The following PTPRD variants were observed in gnomAD, a reference collection of about 807,000 sequenced individuals.
PTPRD encodes the protein receptor-type tyrosine-protein phosphatase delta.
In PTPRD, 34 loss-of-function variants were observed where a neutral mutation model predicts 214.5. The ratio of observed to expected loss-of-function variants is 0.16; its 90% CI spans 0.12 to 0.21. PTPRD has a LOEUF of 0.21. PTPRD is among the 10% of genes least tolerant of loss of function. The pLI is 1.00. For missense variants in PTPRD, 2,545 were observed against 2,398.7 expected, an observed-to-expected ratio of 1.06 and a Z score of -1.27; for synonymous variants, 1,128 against 845.7, an observed-to-expected ratio of 1.33 and a Z score of -5.79.
intron 11 of PTPRD, among the ~76,000 whole-genome samples, chr9:8,760,592 CTCTG>C (rs1258926958): frequency 5.8e-4 from 86 of 148,604 alleles, no homozygotes; most frequent in Admixed American, 1.4e-3. Flanking sequence ...TGCTCCCTCT[CTCTG>C]TCTGTGTGTG....
chr9:8,370,557 T>C (rs1185114352), intron 39 of PTPRD, among the ~76,000 whole-genome samples: 1 of 152,160 alleles, frequency 6.6e-6, no homozygotes, highest in African/African-American at 2.4e-5. Flanking sequence ...ATTGTGATTA[T>C]TTATGTTCCA....
intron 4 of PTPRD, among the ~76,000 whole-genome samples, chr9:9,947,146 T>C (rs73402690): frequency 4.1e-5 from 6 of 148,086 alleles, no homozygotes; most frequent in African/African-American, 1.3e-4. Context: ...TATTCCTATA[T>C]GTACAAGAGG....
intron 5 of PTPRD, chr9:9,803,581 G>C (rs1414563766): frequency 1.3e-5 from 2 of 151,866 alleles, no homozygotes; most frequent in Non-Finnish European, 2.9e-5. Context: ...GTTTTAATAA[G>C]GCATCTGACA....
At chr9:9,618,086 A>AAAAAAAAAAAAAAAAAAAG (rs2095006670) in intron 7 of PTPRD, among the ~76,000 whole-genome samples, 1 of 147,278 alleles carries the variant, frequency 6.8e-6, no homozygotes, top group Non-Finnish European at 1.5e-5. Context: ...AAAAAAAAAA[A>AAAAAAAAAAAAAAAAAAAG]AAAAAAAAAA....
chr9:10,078,583 T>G (rs973436948), intron 3 of PTPRD, among the ~76,000 whole-genome samples: 1 of 151,020 alleles, frequency 6.6e-6, no homozygotes, highest in Non-Finnish European at 1.5e-5. Context: ...CTACTCATTG[T>G]TGGCATCATT....
At chr9:8,933,637 A>G (rs1213600253) in intron 11 of PTPRD, among the ~76,000 whole-genome samples, 1 of 152,056 alleles carries the variant, frequency 6.6e-6, no homozygotes, top group African/African-American at 2.4e-5. Flanking sequence ...ACTATAAAGT[A>G]TTTTAATGCT....
At chr9:9,912,609 A>C (rs746365941) in intron 5 of PTPRD, among the ~76,000 whole-genome samples, 1 of 152,208 alleles carries the variant, frequency 6.6e-6, no homozygotes, top group Non-Finnish European at 1.5e-5. Context: ...GTTGGCAATC[A>C]GTGCTGAAGC....
chr9:9,018,245 T>A (rs1350120611), intron 11 of PTPRD, among the ~76,000 whole-genome samples: 1 of 152,154 alleles, frequency 6.6e-6, no homozygotes, highest in Non-Finnish European at 1.5e-5. Flanking sequence ...AGAATCATGG[T>A]TCCACACGAG....
intron 2 of PTPRD, among the ~76,000 whole-genome samples, chr9:10,355,564 C>T (rs1010716427): frequency 1.3e-4 from 20 of 151,682 alleles, no homozygotes; most frequent in Non-Finnish European, 2.9e-4. Flanking sequence ...ATGCAACCTC[C>T]GCCTCCTGGG....
At chr9:9,800,790 G>T (rs941667435) in intron 5 of PTPRD, 20 of 152,088 alleles carry the variant, frequency 1.3e-4, no homozygotes, top group Admixed American at 7.9e-4. Context: ...GTCAATAAAG[G>T]AGCTCATCCA....
At chr9:8,821,209 T>G (rs1241404089) in intron 11 of PTPRD, among the ~76,000 whole-genome samples, 1 of 152,214 alleles carries the variant, frequency 6.6e-6, no homozygotes, top group African/African-American at 2.4e-5. Context: ...AGAAAATTCT[T>G]AGATGATCAC....
chr9:9,930,323 G>C (rs1355202634), intron 5 of PTPRD, among the ~76,000 whole-genome samples: 1 of 152,164 alleles, frequency 6.6e-6, no homozygotes, highest in Non-Finnish European at 1.5e-5. Flanking sequence ...AACACACACA[G>C]AGAATAAAAA....
chr9:10,051,288 A>AT (rs2097530765), intron 3 of PTPRD, among the ~76,000 whole-genome samples: 1 of 152,108 alleles, frequency 6.6e-6, no homozygotes. Context: ...GCTCAGTACT[A>AT]TTTTTTAAAG....
chr9:10,282,661 T>G lies in PTPRD; in HGVS notation c.-545+58302A>C, dbSNP rs1244033205. Among the ~76,000 whole-genome samples, 3 of 152,170 alleles carry G rather than the reference T, an allele frequency of 2.0e-5. No individual in the cohort carries two copies. The East Asian group carries it at 5.8e-4, about 29-fold the overall frequency. ...TCAACTGAGCAGCTTTAAAAAATAC[T>G]CACATCCCCCAACTTACATAGAATA... On this transcript the variant is annotated intron_variant, in intron 3 of 45. Coordinates refer to ENST00000381196, the MANE Select transcript of PTPRD (RefSeq NM_002839.4).
intron 3 of PTPRD, among the ~76,000 whole-genome samples, chr9:10,312,881 G>A (rs2096306578): frequency 6.6e-6 from 1 of 151,822 alleles, no homozygotes; most frequent in Admixed American, 6.6e-5. Flanking sequence ...AAAATTTCTT[G>A]TCATCTAGAT....
At chr9:8,667,429 T>A (rs911878962) in intron 12 of PTPRD, among the ~76,000 whole-genome samples, 1 of 152,222 alleles carries the variant, frequency 6.6e-6, no homozygotes, top group African/African-American at 2.4e-5. Context: ...CCTCATGTAC[T>A]GGTTAAGCTT....
At chr9:9,328,212 G>T (rs953934197) in intron 9 of PTPRD, among the ~76,000 whole-genome samples, 4 of 152,014 alleles carry the variant, frequency 2.6e-5, no homozygotes, top group Admixed American at 6.6e-5. Context: ...TCTATTTACC[G>T]GAGCTAATAG....
intron 3 of PTPRD, among the ~76,000 whole-genome samples, chr9:10,186,108 C>A (rs1192032609): frequency 6.6e-6 from 1 of 150,892 alleles, no homozygotes; most frequent in African/African-American, 2.4e-5. Flanking sequence ...TTATTGAGGG[C>A]AGTATGAAAG....
chr9:9,055,207 T>C (rs996362110), intron 10 of PTPRD, among the ~76,000 whole-genome samples: 5 of 152,164 alleles, frequency 3.3e-5, no homozygotes, highest in Non-Finnish European at 7.4e-5. Flanking sequence ...CATTGCAGCA[T>C]TGCTTATAAG....
Sources: allele counts gnomAD v4.1 joint callset (sites outside exome capture counted in the v4.1 genomes callset), GRCh38; gene constraint gnomAD v4.1.1; transcripts MANE v1.5; gene names NCBI Gene and HGNC (gene_info 2026-07-23, HGNC 2026-07-21).